Variants in PDE10A observed in about 807,000 individuals in gnomAD.
PDE10A encodes phosphodiesterase 10A.
A neutral mutation model predicts 97.7 loss-of-function variants in PDE10A; 39 were observed. The ratio of observed to expected loss-of-function variants is 0.40; its 90% CI spans 0.31 to 0.52. The LOEUF is 0.52. PDE10A is among the 20% of genes least tolerant of loss of function. The pLI is 0.56. For synonymous variants in PDE10A, 371 were observed against 376.8 expected (o/e 0.98, Z 0.18); for missense variants, 731 against 1,047.8 (o/e 0.70, Z 4.17).
chr6:165,402,698 A>G (rs533919568), intron 13 of PDE10A, among the ~76,000 whole-genome samples: 6 of 152,332 alleles, frequency 3.9e-5, no homozygotes, highest in African/African-American at 1.4e-4. Flanking sequence ...TCAAAAAACA[A>G]AACGATAAAG....
intron 1 of PDE10A, among the ~76,000 whole-genome samples, chr6:165,556,019 A>G (rs1784233785): frequency 6.6e-6 from 1 of 151,866 alleles, no homozygotes; most frequent in Non-Finnish European, 1.5e-5. Flanking sequence ...ATAGCCTACA[A>G]ATACCGAAAA....
rs574550553 is a variant in PDE10A, at chr6:165,711,367, G to T, written c.-614-167799C>A. On this transcript the variant is annotated intron_variant, in intron 1 of 19. Transcript: ENST00000366882. The surrounding 1 kb of genome is among the most constrained non-coding windows in gnomAD (Gnocchi z 4.5). ...TAAAGGCAGCTGTGGTCTGGATGCC[G>T]TGCTGCACGTGCAAACACAGGTCCT... Among the ~76,000 whole-genome samples, 1 of 152,150 alleles carries T rather than the reference G, an allele frequency of 6.6e-6. No homozygotes were observed. The highest frequency in any genetic ancestry group is 2.4e-5 in the African/African-American group (1 of 41,418).
At chr6:165,804,844 T>C (rs372460782) in intron 1 of PDE10A, among the ~76,000 whole-genome samples, 12 of 150,776 alleles carry the variant, frequency 8.0e-5, no homozygotes, top group East Asian at 6.0e-4. Flanking sequence ...CAGCTGCAGC[T>C]CCGAAGCTCC....
At chr6:165,493,044 G>A (rs879883343) in intron 2 of PDE10A, among the ~76,000 whole-genome samples, 20 of 152,030 alleles carry the variant, frequency 1.3e-4, no homozygotes, top group Non-Finnish European at 2.8e-4. Flanking sequence ...CACCAACAGC[G>A]ACCAAGCTGA....
rs942275833 is a variant in PDE10A at position 165,671,069 on chromosome 6, G to C, written c.-614-127501C>G. Among the ~76,000 whole-genome samples the C allele has an allele frequency of 6.6e-6, 1 of 152,090 alleles. No individual in the cohort carries two copies. Among genetic ancestry groups the C allele is most frequent in the African/African-American group, 2.4e-5 (1 of 41,416 alleles). ...TTTCCGATCAGATTGTACTGGTAAAGAGTCTGATTTCCTAGGTTTTCAACA... is the reference window on the plus strand; with the variant it reads ...TTTCCGATCAGATTGTACTGGTAAACAGTCTGATTTCCTAGGTTTTCAACA... On this transcript the variant is annotated intron_variant, in intron 1 of 19. Coordinates refer to the PDE10A transcript ENST00000366882. The surrounding 1 kb of genome is among the most constrained non-coding windows in gnomAD (Gnocchi z 4.6).
At chr6:165,339,182 T>A (rs1158066151) in intron 20 of PDE10A, 96 bp downstream of exon 20, 5 of 795,274 alleles carry the variant, frequency 6.3e-6, no homozygotes, top group Non-Finnish European at 1.1e-5. Flanking sequence ...TCCCTTAACA[T>A]AATATATGAT....
At chr6:165,787,013 T>G (rs990890101) in intron 1 of PDE10A, among the ~76,000 whole-genome samples, 1 of 152,200 alleles carries the variant, frequency 6.6e-6, no homozygotes, top group Non-Finnish European at 1.5e-5. Context: ...ATTAAATATA[T>G]TCTTTAGCGG....
intron 1 of PDE10A, among the ~76,000 whole-genome samples, chr6:165,855,484 T>C (rs1429544380): frequency 1.3e-5 from 2 of 151,398 alleles, no homozygotes; most frequent in African/African-American, 4.9e-5. Flanking sequence ...TAACAGTCAT[T>C]GGCCGCCTCT....
At chr6:165,883,576 C>CT (rs1385101516) in intron 1 of PDE10A, among the ~76,000 whole-genome samples, 1 of 151,898 alleles carries the variant, frequency 6.6e-6, no homozygotes, top group African/African-American at 2.4e-5. Flanking sequence ...AAAATAAACT[C>CT]TCCCCCACCA....
intron 1 of PDE10A, among the ~76,000 whole-genome samples, chr6:165,938,325 T>C (rs927570430): frequency 6.6e-6 from 1 of 152,178 alleles, no homozygotes; most frequent in Non-Finnish European, 1.5e-5. Context: ...TCTGAATAAG[T>C]TGTGTAAATA....
chr6:165,791,632 C>G (rs980901441), intron 1 of PDE10A, among the ~76,000 whole-genome samples: 1 of 152,146 alleles, frequency 6.6e-6, no homozygotes, highest in Non-Finnish European at 1.5e-5. Flanking sequence ...TTAGGAGACA[C>G]GGCTCGTTTC....
intron 17 of PDE10A, among the ~76,000 whole-genome samples, chr6:165,383,513 C>G (rs1029859930): frequency 6.6e-6 from 1 of 152,116 alleles, no homozygotes; most frequent in South Asian, 2.1e-4. Context: ...CTCTGCCCCA[C>G]CGGACACAGC....
intron 1 of PDE10A, among the ~76,000 whole-genome samples, chr6:165,876,415 T>C (rs1207886689): frequency 1.3e-5 from 2 of 152,244 alleles, no homozygotes; most frequent in East Asian, 1.9e-4. Flanking sequence ...AAAGCTAGGG[T>C]AATGAATTAG....
At chr6:165,402,529 G>A (rs546552393) in intron 13 of PDE10A, among the ~76,000 whole-genome samples, 261 of 152,190 alleles carry the variant, frequency 1.7e-3, no homozygotes, top group African/African-American at 6.0e-3. Flanking sequence ...GGTGCATTTT[G>A]TATAAATTAT....
upstream of PDE10A, among the ~76,000 whole-genome samples, chr6:165,663,870 A>C (rs1790420564): frequency 6.6e-6 from 1 of 152,154 alleles, no homozygotes; most frequent in Non-Finnish European, 1.5e-5. Context: ...TTCCGTAGCC[A>C]TGAATCCAGG....
chr6:165,712,876 G>C (rs192907452), intron 1 of PDE10A, among the ~76,000 whole-genome samples: 396 of 152,228 alleles, frequency 2.6e-3, no homozygotes, highest in Non-Finnish European at 3.2e-3. Context: ...TCCTGACCTC[G>C]TGATCTGCCT....
At chr6:165,846,967 C>A (rs1415574187) in intron 1 of PDE10A, among the ~76,000 whole-genome samples, 2 of 152,304 alleles carry the variant, frequency 1.3e-5, no homozygotes, top group East Asian at 3.9e-4. Context: ...ATGGAAAATA[C>A]CGCGGCAGAA....
intron 2 of PDE10A, among the ~76,000 whole-genome samples, chr6:165,525,831 G>A (rs1782409173): frequency 6.6e-6 from 1 of 152,070 alleles, no homozygotes; most frequent in Admixed American, 6.6e-5. Context: ...GTAGAGCTCT[G>A]GCATTGGCTA....
intron 1 of PDE10A, among the ~76,000 whole-genome samples, chr6:165,569,765 T>C (rs1397909618): frequency 1.3e-5 from 2 of 152,198 alleles, no homozygotes; most frequent in African/African-American, 2.4e-5. Flanking sequence ...GTTCCCTGTG[T>C]AGGCACTATC....
Sources: gnomAD v4.1 joint callset for allele counts (sites outside exome capture counted in the v4.1 genomes callset) on GRCh38, gnomAD v4.1.1 for gene constraint, Gnocchi (gnomAD v3.1) non-coding constraint, MANE v1.5 for transcripts, NCBI Gene and HGNC (gene_info 2026-07-23, HGNC 2026-07-21) for gene names.